ITGAM: variants seen among roughly 807,000 people sequenced by gnomAD.
The protein encoded by ITGAM is integrin alpha-M.
A neutral mutation model predicts 137.5 loss-of-function variants in ITGAM; 79 were observed. That is an observed-to-expected ratio of 0.57 (90% CI 0.48 to 0.69). ITGAM has a LOEUF of 0.69. ITGAM is among the 30% of genes least tolerant of loss of function. The probability of loss-of-function intolerance (pLI) is 0.00; values close to 1 mark genes in which losing one functional copy is unlikely to be tolerated. For synonymous variants in ITGAM, 583 were observed against 592.3 expected, an observed-to-expected ratio of 0.98 and a Z score of 0.23; for missense variants, 1,343 against 1,483.5, an observed-to-expected ratio of 0.91 and a Z score of 1.56.
chr16:31,297,708 G>A (rs751668829), intron 13 of ITGAM, 37 bp from the exon 14 acceptor site: 56 of 1,595,290 alleles, frequency 3.5e-5, no homozygotes, highest in East Asian at 2.9e-4. Flanking sequence ...TGGAGGGGTC[G>A]CCTGGGTTGG....
intron 23 of ITGAM, 103 bp downstream of exon 23, chr16:31,328,333 T>A: frequency 1.1e-6 from 1 of 878,950 alleles, no homozygotes; most frequent in South Asian, 1.4e-5. Context: ...TGTGTGAGAG[T>A]CTGAGGATCT....
chr16:31,331,157 T>TC lies in ITGAM; in HGVS notation c.3277-3dup. The TC allele has an allele frequency of 6.5e-7, 1 of 1,527,402 alleles. No individual in the cohort carries two copies. Among genetic ancestry groups the TC allele is most frequent in the Non-Finnish European group, 9.1e-7 (1 of 1,104,236 alleles). 94.6% of individuals were successfully genotyped at this position (1,527,402 alleles called of 1,614,324 possible). ...CGTCTCCCCTGACGCCCCTCCTTCC[T>TC]CCCCCAGACGGAGACCAAAGTGGAG... On this transcript the variant is annotated splice_region_variant and splice_polypyrimidine_tract_variant and intron_variant, in intron 28 of 29. Transcript: ENST00000544665.
In ITGAM at chr16:31,324,580, G is replaced by T; in HGVS notation, c.2157+27G>T. The T allele has an allele frequency of 6.2e-7, 1 of 1,610,190 alleles. No homozygotes were observed. Among genetic ancestry groups the T allele is most frequent in the East Asian group, 2.2e-5 (1 of 44,776 alleles). On this transcript the variant is annotated intron_variant, in intron 17 of 29. Coordinates refer to ENST00000544665, the MANE Select transcript of ITGAM (RefSeq NM_000632.4). This position sits in a 1 kb window ranked among gnomAD's most constrained non-coding sequence, Gnocchi z 4.5. ...TGAGCAGGCTAGTGGCCAGACCCCT[G>T]GGTCTTCCAAGCATGGAGTGGGCTT...
chr16:31,291,091 C>T (rs138543427), intron 12 of ITGAM, among the ~76,000 whole-genome samples: 29 of 152,168 alleles, frequency 1.9e-4, no homozygotes, highest in Middle Eastern at 3.4e-3. Context: ...TGGAGAGAGA[C>T]GCTGTGGTCA....
At chr16:31,260,958 A>G (rs2079691881) in intron 1 of ITGAM, among the ~76,000 whole-genome samples, 1 of 152,208 alleles carries the variant, frequency 6.6e-6, no homozygotes, top group Non-Finnish European at 1.5e-5. Flanking sequence ...AATTTCCCTA[A>G]TGACAAATTT....
chr16:31,308,200 T>C (rs7187713), intron 14 of ITGAM, among the ~76,000 whole-genome samples: 26,536 of 152,102 alleles, frequency 0.17, 2,898 homozygotes, highest in African/African-American at 0.3. Context: ...TTTCTATTGA[T>C]TGGAAGAGTT....
intron 28 of ITGAM, 123 bp downstream of exon 28, chr16:31,330,728 A>C: frequency 1.5e-6 from 1 of 675,332 alleles, no homozygotes; most frequent in Non-Finnish European, 2.5e-6. Flanking sequence ...ACAGAGAGAC[A>C]GAGAGATACA....
At chr16:31,310,003 A>G (rs1410688328) in intron 14 of ITGAM, among the ~76,000 whole-genome samples, 1 of 151,534 alleles carries the variant, frequency 6.6e-6, no homozygotes, top group African/African-American at 2.4e-5. Flanking sequence ...TGGCTTGTAG[A>G]GTTTCTGCTG....
chr16:31,326,963 G>A, intron 22 of ITGAM, 28 bp downstream of exon 22: 2 of 1,555,116 alleles, frequency 1.3e-6, no homozygotes, highest in Non-Finnish European at 1.8e-6. Flanking sequence ...GCTTCTGCAG[G>A]CAGTTGCCCG....
At chr16:31,266,179 G>C (rs117586060) in intron 5 of ITGAM, 32 bp downstream of exon 5, 1 of 1,461,666 alleles carries the variant, frequency 6.8e-7, no homozygotes, top group East Asian at 2.3e-5. Context: ...GAACAGATGC[G>C]CAGCAAAAGA....
chr16:31,321,622 G>T lies in ITGAM; in HGVS notation c.1997G>T (p.Arg666Ile). Residue 666 changes from arginine to isoleucine, a missense_variant, in exon 16 of 30, where the codon AGA (arginine) becomes ATA (isoleucine). Transcript: ENST00000544665. ...HVQKSTRDRLREGQIQSVVTY... is the reference protein window; with the variant it reads ...HVQKSTRDRLIEGQIQSVVTY... The stretch of plus-strand genomic sequence containing the variant: ...CAGAAGAGCACACGGGATCGGCTAA[G>T]AGAAGGTGAGGCTTGGTGGATGAGT... 1 of 1,613,606 alleles carries T rather than the reference G, an allele frequency of 6.2e-7. No homozygotes were observed. Among genetic ancestry groups the T allele is most frequent in the South Asian group, 1.1e-5 (1 of 91,058 alleles).
rs1157978499 is a variant in ITGAM at position 31,324,350 on chromosome 16, G to A, written c.2003-49G>A. 1.4e-5 allele frequency: 21 copies of A among 1,517,634 alleles called. 1 individual carries two copies. In the East Asian group the frequency reaches 2.0e-4, roughly 14 times the overall value. The allele number at this position is 1,517,634 out of a possible 1,614,324, so 94.0% of individuals were successfully genotyped here. On this transcript the variant is annotated intron_variant, in intron 16 of 29. Coordinates refer to ENST00000544665, the MANE Select transcript of ITGAM (RefSeq NM_000632.4). The surrounding 1 kb of genome is among the most constrained non-coding windows in gnomAD (Gnocchi z 4.5). ...GCTGGGCCTTGAACTCCCATCTGCC[G>A]GGTTCCGAGGCTCAGGCCCCTCACT...
chr16:31,307,683 T>G (rs1353066663), intron 14 of ITGAM, among the ~76,000 whole-genome samples: 1 of 152,076 alleles, frequency 6.6e-6, no homozygotes, highest in African/African-American at 2.4e-5. Flanking sequence ...TCCAACACTA[T>G]GTTGAATAGG....
rs1390234080 is a variant in ITGAM at position 31,322,823 on chromosome 16, T to G, written c.2002+1196T>G. Among the ~76,000 whole-genome samples the G allele has an allele frequency of 3.9e-5, 6 of 152,262 alleles. No individual in the cohort carries two copies. The East Asian group carries it at 1.2e-3, about 29-fold the overall frequency. ...GAAACTCTAGAACCAAAAATCGCACTGACTGAAATGAAGAATTCAGTAAAT... is the reference window on the plus strand; with the variant it reads ...GAAACTCTAGAACCAAAAATCGCACGGACTGAAATGAAGAATTCAGTAAAT... On this transcript the variant is annotated intron_variant, in intron 16 of 29. Transcript: ENST00000544665.
chr16:31,309,720 G>A (rs370895656), intron 14 of ITGAM, among the ~76,000 whole-genome samples: 7 of 152,168 alleles, frequency 4.6e-5, no homozygotes, highest in South Asian at 2.1e-4. Context: ...TATTTTGCTC[G>A]TTAGTTGATG....
At chr16:31,272,457 ATATATATTTTTTTTTTTTTTTTTT>A (rs2079859732) in intron 7 of ITGAM, among the ~76,000 whole-genome samples, 1 of 11,244 alleles carries the variant, frequency 8.9e-5, no homozygotes, top group Non-Finnish European at 1.5e-4. Flanking sequence ...ATATATATAT[ATATATATTTTTTTTTTTTTTTTTT>A]TTTTTTTTTT....
chr16:31,273,492 G>C lies in ITGAM; in HGVS notation c.832G>C (p.Glu278Gln), dbSNP rs751090896. Residue 278 changes from glutamate to glutamine, a missense_variant, in exon 8 of 30, where the codon GAG becomes CAG. Transcript: ENST00000544665. ...YEDVIPEADR[E>Q]GVIRYVIGVG... ...GGATGTCATCCCTGAGGCAGACAGA[G>C]AGGGAGTCATTCGCTACGTCATTGG... 2 of 1,613,788 alleles carry C rather than the reference G, an allele frequency of 1.2e-6. No individual in the cohort carries two copies. Among genetic ancestry groups the C allele is most frequent in the Non-Finnish European group, 8.5e-7 (1 of 1,179,762 alleles).
At position 31,324,949 on chromosome 16, in the gene ITGAM, T is replaced by C; in HGVS notation, c.2290-9T>C. 1 of 1,606,724 alleles carries C rather than the reference T, an allele frequency of 6.2e-7. No individual in the cohort carries two copies. Among genetic ancestry groups the C allele is most frequent in the Non-Finnish European group, 8.5e-7 (1 of 1,176,328 alleles). ...TTCCTTTCATTTGATCATATTTATT[T>C]TTTAAAAGTTTCCCTTTGAGAAGAA... On this transcript the variant is annotated splice_polypyrimidine_tract_variant and intron_variant, in intron 18 of 29. Transcript: ENST00000544665. This position sits in a 1 kb window ranked among gnomAD's most constrained non-coding sequence, Gnocchi z 4.5.
chr16:31,329,388 T>C (rs1597043746), intron 24 of ITGAM, 85 bp downstream of exon 24: 1 of 1,003,552 alleles, frequency 1.0e-6, no homozygotes, highest in Admixed American at 2.0e-5. Context: ...GGATGGGAAA[T>C]GTGCGCAAGG....
Sources: gnomAD v4.1 joint callset for allele counts (sites outside exome capture counted in the v4.1 genomes callset) on GRCh38, gnomAD v4.1.1 for gene constraint, Gnocchi (gnomAD v3.1) non-coding constraint, MANE v1.5 for transcripts, NCBI Gene and HGNC (gene_info 2026-07-23, HGNC 2026-07-21) for gene names.